Variants in PALD1 observed in about 807,000 individuals in gnomAD.
PALD1 encodes phosphatase domain containing paladin 1, also known as paladin.
A neutral mutation model predicts 96.0 loss-of-function variants in PALD1; 57 were observed. The observed-to-expected ratio is 0.59, with a 90% CI of 0.48 to 0.74. The LOEUF (loss-of-function observed/expected upper bound fraction) is 0.74. Among genes scored for constraint, PALD1 ranks in the 30% least tolerant of loss-of-function variants. The probability of loss-of-function intolerance (pLI) is 0.00; values close to 1 mark genes in which losing one functional copy is unlikely to be tolerated. For synonymous variants in PALD1, 464 were observed against 473.6 expected (o/e 0.98, Z 0.26); for missense variants, 1,063 against 1,143.7 (o/e 0.93, Z 1.02).
intron 1 of PALD1, among the ~76,000 whole-genome samples, chr10:70,498,380 A>G (rs112790119): frequency 0.011 from 1,605 of 152,258 alleles, 24 homozygotes; most frequent in African/African-American, 0.031. Context: ...CCTGGGCTCA[A>G]GCAATCCTCC....
intron 5 of PALD1, 44 bp from the exon 6 acceptor site, chr10:70,532,577 T>TG: frequency 6.3e-7 from 1 of 1,595,790 alleles, no homozygotes; most frequent in Middle Eastern, 1.7e-4. Context: ...GGGAGGGTCT[T>TG]GAAGTTCAGG....
At chr10:70,460,443 C>T in the PALD1 span, among the ~76,000 whole-genome samples, 1 of 152,228 alleles carries the variant, frequency 6.6e-6, no homozygotes, top group African/African-American at 2.4e-5. Context: ...GACTGAACTC[C>T]TCTGCGCCTT....
chr10:70,493,795 C>T (rs1846139751), intron 1 of PALD1, among the ~76,000 whole-genome samples: 1 of 152,242 alleles, frequency 6.6e-6, no homozygotes, highest in Non-Finnish European at 1.5e-5. Flanking sequence ...TCCTCTGCTG[C>T]TAGCCCCGCC....
In PALD1 at chr10:70,512,045, C is replaced by G. The variant is rs115511890; in HGVS notation, c.-29-13878C>G. 6.1e-3 allele frequency among the ~76,000 whole-genome samples: 932 copies of G among 152,178 alleles called. 7 individuals are homozygous for G. The highest frequency in any genetic ancestry group is 0.021 in the African/African-American group (867 of 41,510). On this transcript the variant is annotated intron_variant, in intron 1 of 19. Transcript: ENST00000263563. ...CGTCTCAAAAGAGAAAAAAAAAAGG[C>G]ATTGAATCCACCGTGAGGACAGAGC...
intron 18 of PALD1, among the ~76,000 whole-genome samples, chr10:70,555,226 C>T (rs549197198): frequency 5.3e-5 from 8 of 151,298 alleles, no homozygotes; most frequent in Middle Eastern, 3.4e-3. Flanking sequence ...CCACGAGCCT[C>T]GGCCTCCCAC....
At chr10:70,471,385 G>A in the PALD1 span, among the ~76,000 whole-genome samples, 3 of 152,190 alleles carry the variant, frequency 2.0e-5, no homozygotes, top group Non-Finnish European at 4.4e-5. Flanking sequence ...GAATCCATGT[G>A]ACTTATTCAT....
intron 1 of PALD1, among the ~76,000 whole-genome samples, chr10:70,480,703 C>T (rs1845915370): frequency 6.6e-6 from 1 of 152,234 alleles, no homozygotes; most frequent in Non-Finnish European, 1.5e-5. Context: ...AGTTGCTGAG[C>T]TCACCCGAAG....
chr10:70,463,199 T>C, the PALD1 span, among the ~76,000 whole-genome samples: 1 of 152,052 alleles, frequency 6.6e-6, no homozygotes, highest in Non-Finnish European at 1.5e-5. Flanking sequence ...GGTCAGGAGA[T>C]CAAGACCATC....
At chr10:70,508,188 G>A (rs187549996) in intron 1 of PALD1, among the ~76,000 whole-genome samples, 6 of 152,314 alleles carry the variant, frequency 3.9e-5, no homozygotes, top group Admixed American at 3.3e-4. Context: ...TTGAGAGACG[G>A]CCCAGCCTTG....
At chr10:70,477,614 G>A (rs1298219717), upstream of PALD1, among the ~76,000 whole-genome samples, 2 of 152,214 alleles carry the variant, frequency 1.3e-5, no homozygotes, top group African/African-American at 4.8e-5. Flanking sequence ...GCACTTAAGA[G>A]CTAGGTGCTA....
chr10:70,467,430 G>T, the PALD1 span, among the ~76,000 whole-genome samples: 2 of 151,984 alleles, frequency 1.3e-5, no homozygotes, highest in Non-Finnish European at 2.9e-5. Flanking sequence ...GGAGGTGAGG[G>T]GAAGTAAAAG....
chr10:70,502,923 C>T (rs1253846503), intron 1 of PALD1, among the ~76,000 whole-genome samples: 2 of 152,088 alleles, frequency 1.3e-5, no homozygotes, highest in African/African-American at 4.8e-5. Flanking sequence ...TCTTGTTGCC[C>T]AGGCTGCAGT....
In PALD1 at chr10:70,530,040, T is replaced by C; in HGVS notation, c.440T>C (p.Leu147Pro). Reference protein sequence around the residue: ...QPSLSGFRRVLQKLQKDGHRE... With the variant: ...QPSLSGFRRVPQKLQKDGHRE... Reference sequence around the variant, plus strand: ...AGCCTCTCAGGGTTCAGGCGGGTCCTCCAGAAACTCCAGAAGGACGGACAT... The same window carrying C: ...AGCCTCTCAGGGTTCAGGCGGGTCCCCCAGAAACTCCAGAAGGACGGACAT... Residue 147 changes from leucine (L) to proline (P), a missense_variant, in exon 4 of 20, where the codon CTC becomes CCC. Coordinates refer to ENST00000263563, the MANE Select transcript of PALD1 (RefSeq NM_014431.3). 6.5e-7 allele frequency: 1 copy of C among 1,539,632 alleles called. No homozygotes were observed. Among genetic ancestry groups the C allele is most frequent in the Non-Finnish European group, 8.7e-7 (1 of 1,145,006 alleles).
intron 1 of PALD1, among the ~76,000 whole-genome samples, chr10:70,488,487 C>T (rs995820009): frequency 2.0e-5 from 3 of 152,204 alleles, no homozygotes; most frequent in Non-Finnish European, 2.9e-5. Flanking sequence ...AGTCCCCTTT[C>T]CCCTCCTTCC....
At chr10:70,548,155 ATT>A (rs1232285942) in intron 18 of PALD1, among the ~76,000 whole-genome samples, 1 of 152,082 alleles carries the variant, frequency 6.6e-6, no homozygotes, top group Admixed American at 6.6e-5. Flanking sequence ...AAATACAAAA[ATT>A]AGCCGGGCAT....
Position 70,513,643 on chromosome 10 carries a change from G to A in PALD1, c.-29-12280G>A, listed in dbSNP as rs1846563366. The stretch of plus-strand genomic sequence containing the variant: ...AGAGGCATTACCCCCAAACGCTTCA[G>A]CCTGTATTTCCTAAGAACAAGGGCA... On this transcript the variant is annotated intron_variant, in intron 1 of 19. Transcript: ENST00000263563. Among the ~76,000 whole-genome samples the A allele has an allele frequency of 2.0e-5, 3 of 152,298 alleles. No homozygotes were observed. The South Asian group carries it at 6.2e-4, about 32-fold the overall frequency.
Position 70,539,569 on chromosome 10 carries a change from C to T in PALD1, c.1726-11C>T. The T allele has an allele frequency of 3.1e-6, 5 of 1,600,712 alleles. No individual in the cohort carries two copies. The highest frequency in any genetic ancestry group is 3.4e-6 in the Non-Finnish European group (4 of 1,172,284). ...CCAGTGGCCTGTGTCCTCCCTCCTG[C>T]CCTTGCCCAGACCCTGGAGGCCCAG... On this transcript the variant is annotated splice_polypyrimidine_tract_variant and intron_variant, in intron 14 of 19. Coordinates refer to ENST00000263563, the MANE Select transcript of PALD1 (RefSeq NM_014431.3). This position sits in a 1 kb window ranked among gnomAD's most constrained non-coding sequence, Gnocchi z 4.5.
chr10:70,519,641 C>A (rs183400135), intron 1 of PALD1, among the ~76,000 whole-genome samples: 1 of 149,744 alleles, frequency 6.7e-6, no homozygotes, highest in Non-Finnish European at 1.5e-5. Context: ...GTGGCGCGAT[C>A]TCAACTCACC....
Position 70,566,625 on chromosome 10 carries a change from C to T in PALD1, c.2463C>T (p.Gly821=). The part of the protein sequence containing the change: ...AGIYEILNEL[G]FPELESGEDQ... ...TCTACGAGATCCTTAACGAGCTGGG[C>T]TTCCCCGAGCTGGAGAGCGGGGAGG... The change falls in exon 20 of 20, where the codon GGC becomes GGT. Residue 821 remains glycine, a synonymous_variant. Coordinates refer to ENST00000263563, the MANE Select transcript of PALD1 (RefSeq NM_014431.3). 6.2e-7 allele frequency: 1 copy of T among 1,610,774 alleles called. No individual in the cohort carries two copies. The highest frequency in any genetic ancestry group is 1.7e-4 in the Middle Eastern group (1 of 6,054).
Sources: allele counts gnomAD v4.1 joint callset (sites outside exome capture counted in the v4.1 genomes callset), GRCh38; gene constraint gnomAD v4.1.1; non-coding constraint Gnocchi (gnomAD v3.1); transcripts MANE v1.5; gene names NCBI Gene and HGNC (gene_info 2026-07-23, HGNC 2026-07-21).